Variants in PITPNM2 observed in about 807,000 individuals in gnomAD.
PITPNM2 encodes the protein membrane-associated phosphatidylinositol transfer protein 2.
Under a neutral mutation model 132.2 loss-of-function variants are expected in PITPNM2, and 35 were observed. The ratio of observed to expected loss-of-function variants is 0.26; its 90% CI spans 0.20 to 0.35. PITPNM2 has a LOEUF of 0.35. PITPNM2 is among the 10% of genes least tolerant of loss of function. The probability of loss-of-function intolerance (pLI) is 1.00; values close to 1 mark genes in which losing one functional copy is unlikely to be tolerated. For missense variants in PITPNM2, 1,332 were observed against 1,912.0 expected (o/e 0.70, Z 5.66); for synonymous variants, 738 against 799.2 (o/e 0.92, Z 1.29).
Position 122,989,771 on chromosome 12 carries a change from G to A in PITPNM2, c.2731+16C>T. ...CAGAGTGACCCCCAGTGAGGGGAAAGTGTGTGGGGTGGTACCTTCTCCAAT... is the reference window on the plus strand; with the variant it reads ...CAGAGTGACCCCCAGTGAGGGGAAAATGTGTGGGGTGGTACCTTCTCCAAT... On this transcript the variant is annotated intron_variant, in intron 18 of 25. Coordinates refer to ENST00000320201, the MANE Select transcript of PITPNM2 (RefSeq NM_020845.3). 3 of 1,384,546 alleles carry A rather than the reference G, an allele frequency of 2.2e-6. No homozygotes were observed. Among genetic ancestry groups the A allele is most frequent in the Non-Finnish European group, 1.9e-6 (2 of 1,063,994 alleles). 85.8% of individuals were successfully genotyped at this position (1,384,546 alleles called of 1,614,324 possible). A position where few individuals can be genotyped will look rare whatever the true frequency, so the allele number is the denominator to read the frequency against.
chr12:123,009,762 T>A lies in PITPNM2; in HGVS notation c.643+88A>T. ...AGAAACGCAGACTCCCAGGCAGACA[T>A]GCAAAGAGAGGAGGCAGACAGGCAG... is the stretch of plus-strand genomic sequence containing the variant. On this transcript the variant is annotated intron_variant, in intron 6 of 25. Coordinates refer to ENST00000320201, the MANE Select transcript of PITPNM2 (RefSeq NM_020845.3). The surrounding 1 kb of genome is among the most constrained non-coding windows in gnomAD (Gnocchi z 4.8). 1 of 1,266,514 alleles carries A rather than the reference T, an allele frequency of 7.9e-7. No individual in the cohort carries two copies. The highest frequency in any genetic ancestry group is 2.3e-5 in the East Asian group (1 of 43,068). 78.5% of individuals were successfully genotyped at this position (1,266,514 alleles called of 1,614,324 possible). A position where few individuals can be genotyped will look rare whatever the true frequency, so the allele number is the denominator to read the frequency against.
chr12:123,040,510 C>A (rs538326321), intron 2 of PITPNM2, among the ~76,000 whole-genome samples: 12 of 152,242 alleles, frequency 7.9e-5, no homozygotes, highest in Admixed American at 2.0e-4. Flanking sequence ...TTTTCAAAAG[C>A]TTTTCTCTCA....
intron 19 of PITPNM2, 95 bp downstream of exon 19, chr12:122,988,628 GA>G: frequency 7.7e-7 from 1 of 1,300,644 alleles, no homozygotes; most frequent in Non-Finnish European, 1.1e-6. Context: ...GATGGGGTTG[GA>G]GAGGAGTCCC....
chr12:122,995,924 G>A (rs181943704), intron 13 of PITPNM2, among the ~76,000 whole-genome samples: 1 of 152,294 alleles, frequency 6.6e-6, no homozygotes, highest in African/African-American at 2.4e-5. Flanking sequence ...CACCTCCTAG[G>A]AACCAGACCC....
rs1306988237 is a variant in PITPNM2, at chr12:123,111,393, G to T, written c.-199-905C>A. The stretch of plus-strand genomic sequence containing the variant: ...CCAATTCCAGGGCAACCCTGCTTTA[G>T]GAGCTGAGGACAGGCATGGTGGGGG... On this transcript the variant is annotated intron_variant, in intron 1 of 25. Coordinates refer to ENST00000320201, the MANE Select transcript of PITPNM2 (RefSeq NM_020845.3). The surrounding 1 kb of genome is among the most constrained non-coding windows in gnomAD (Gnocchi z 4.1). Among the ~76,000 whole-genome samples, 1 of 152,270 alleles carries T rather than the reference G, an allele frequency of 6.6e-6. No individual in the cohort carries two copies. The highest frequency in any genetic ancestry group is 2.4e-5 in the African/African-American group (1 of 41,472).
chr12:123,000,798 C>T lies in PITPNM2; in HGVS notation c.1204G>A (p.Glu402Lys). 1.2e-6 allele frequency: 2 copies of T among 1,614,064 alleles called. No homozygotes were observed. Among genetic ancestry groups the T allele is most frequent in the Non-Finnish European group, 1.7e-6 (2 of 1,180,036 alleles). ...APEFRVASSV[E>K]QLNIIEDEVS... ...CCCACCTCTATGATGTTCAGCTGCT[C>T]CACACTGGAGGCCACCCTGAACTCA... The change falls in exon 10 of 26, where the codon GAG (glutamate) becomes AAG (lysine). Residue 402 changes from glutamate (E) to lysine (K), a missense_variant. Transcript: ENST00000320201. The surrounding 1 kb of genome is among the most constrained non-coding windows in gnomAD (Gnocchi z 5.4).
upstream of PITPNM2, among the ~76,000 whole-genome samples, chr12:123,151,179 G>T (rs1593041039): frequency 6.8e-6 from 1 of 146,816 alleles, no homozygotes; most frequent in East Asian, 2.0e-4. Flanking sequence ...GCGGCGGCGG[G>T]GGCGCGTCCC....
intron 1 of PITPNM2, among the ~76,000 whole-genome samples, chr12:123,124,963 A>G (rs73413271): frequency 6.6e-6 from 1 of 151,888 alleles, no homozygotes; most frequent in Non-Finnish European, 1.5e-5. Context: ...CGTTAAAAAA[A>G]TTTTTTTTAT....
At chr12:123,074,304 G>A (rs555891872) in intron 2 of PITPNM2, among the ~76,000 whole-genome samples, 1 of 152,184 alleles carries the variant, frequency 6.6e-6, no homozygotes, top group Non-Finnish European at 1.5e-5. Flanking sequence ...GGAGTTTGCT[G>A]AGCCCTGCTC....
intron 2 of PITPNM2, among the ~76,000 whole-genome samples, chr12:123,068,262 T>A (rs1190639105): frequency 5.3e-5 from 8 of 151,958 alleles, no homozygotes; most frequent in Non-Finnish European, 7.4e-5. Flanking sequence ...AGTCAGGAGA[T>A]CGAGAACATC....
chr12:123,085,254 C>G (rs1261018826), intron 2 of PITPNM2, among the ~76,000 whole-genome samples: 2 of 152,186 alleles, frequency 1.3e-5, no homozygotes, highest in Non-Finnish European at 2.9e-5. Context: ...CAGATGGGGG[C>G]TCCTGGGCAG....
intron 3 of PITPNM2, among the ~76,000 whole-genome samples, chr12:123,024,940 G>A (rs1461949031): frequency 2.0e-5 from 3 of 152,088 alleles, no homozygotes; most frequent in Admixed American, 1.3e-4. Flanking sequence ...AAAACAAACA[G>A]AAACCAATCC....
chr12:123,125,547 G>GA (rs1486587145), intron 1 of PITPNM2, among the ~76,000 whole-genome samples: 1 of 152,010 alleles, frequency 6.6e-6, no homozygotes, highest in Non-Finnish European at 1.5e-5. Context: ...AGAACGCAAA[G>GA]AAAATGCATG....
chr12:123,130,823 A>C (rs1463626951), intron 1 of PITPNM2, among the ~76,000 whole-genome samples: 1 of 152,172 alleles, frequency 6.6e-6, no homozygotes, highest in Non-Finnish European at 1.5e-5. Flanking sequence ...GGAAGGTGAG[A>C]ACAGCCTTCC....
intron 13 of PITPNM2, 37 bp from the exon 14 acceptor site, chr12:122,995,697 C>A (rs377735082): frequency 3.4e-5 from 53 of 1,539,924 alleles, no homozygotes; most frequent in Non-Finnish European, 1.7e-6. Flanking sequence ...GCCAGGTGGC[C>A]GCTGGCCTGA....
At chr12:123,088,638 T>C (rs2042179067) in intron 2 of PITPNM2, 1 of 152,212 alleles carries the variant, frequency 6.6e-6, no homozygotes. Flanking sequence ...ATCAAAGATC[T>C]TCCCTGCTCC....
intron 1 of PITPNM2, among the ~76,000 whole-genome samples, chr12:123,144,769 TG>T (rs931325988): frequency 1.3e-5 from 2 of 152,082 alleles, no homozygotes; most frequent in African/African-American, 4.8e-5. Flanking sequence ...TTCACCATGT[TG>T]GCCAGTCTGG....
intron 2 of PITPNM2, among the ~76,000 whole-genome samples, chr12:123,076,446 G>T (rs898108994): frequency 6.6e-6 from 1 of 152,208 alleles, no homozygotes; most frequent in African/African-American, 2.4e-5. Flanking sequence ...ACCACACAGG[G>T]AGTCCTGTCT....
At position 123,078,414 on chromosome 12, in the gene PITPNM2, C is replaced by T. The variant is rs980760580; in HGVS notation, c.-96+31971G>A. Among the ~76,000 whole-genome samples, 4 of 152,182 alleles carry T rather than the reference C, an allele frequency of 2.6e-5. No individual in the cohort carries two copies. The highest frequency in any genetic ancestry group is 7.2e-5 in the African/African-American group (3 of 41,452). On this transcript the variant is annotated intron_variant, in intron 2 of 25. Transcript: ENST00000320201. The surrounding 1 kb of genome is among the most constrained non-coding windows in gnomAD (Gnocchi z 7.3). ...GAGATGGGGGCTTTCTCGCCTGGCT[C>T]GTGGTGCTCCGCTGCCCCAAGAGCC...
Sources: gnomAD v4.1 joint callset for allele counts (sites outside exome capture counted in the v4.1 genomes callset) on GRCh38, gnomAD v4.1.1 for gene constraint, Gnocchi (gnomAD v3.1) non-coding constraint, MANE v1.5 for transcripts, NCBI Gene and HGNC (gene_info 2026-07-23, HGNC 2026-07-21) for gene names.